Variants in RIT2 observed in about 807,000 individuals in gnomAD.
RIT2 encodes Ras like without CAAX 2, also known as GTP-binding protein Rit2.
A neutral mutation model predicts 23.7 loss-of-function variants in RIT2; 24 were observed. That is an observed-to-expected ratio of 1.01 (90% CI 0.73 to 1.43). The LOEUF is 1.43. Among genes scored for constraint, RIT2 ranks in the 40% most tolerant of loss-of-function variants. RIT2 has a pLI of 0.00. For missense variants in RIT2, 236 were observed against 266.9 expected (o/e 0.88, Z 0.81); for synonymous variants, 107 against 91.1 (o/e 1.17, Z -0.99).
At chr18:42,876,619 A>G (rs1415342704) in intron 4 of RIT2, among the ~76,000 whole-genome samples, 1 of 151,948 alleles carries the variant, frequency 6.6e-6, no homozygotes, top group Non-Finnish European at 1.5e-5. Flanking sequence ...AAATAACACC[A>G]GAAAACACGT....
intron 1 of RIT2, among the ~76,000 whole-genome samples, chr18:43,105,112 G>C (rs927867984): frequency 0.011 from 1,721 of 150,910 alleles, 36 homozygotes; most frequent in African/African-American, 0.039. Flanking sequence ...GTGTGTGTGT[G>C]TGTGTGTGTG....
At chr18:42,857,951 C>T (rs893572960) in intron 4 of RIT2, among the ~76,000 whole-genome samples, 7 of 152,102 alleles carry the variant, frequency 4.6e-5, no homozygotes, top group Admixed American at 2.6e-4. Context: ...GAGGCCAAGG[C>T]GGGTGCATCA....
At chr18:42,760,110 T>C (rs1016523394) in intron 4 of RIT2, among the ~76,000 whole-genome samples, 2 of 152,150 alleles carry the variant, frequency 1.3e-5, no homozygotes, top group Non-Finnish European at 2.9e-5. Flanking sequence ...CTAAGTGTCT[T>C]TGATAATAGA....
At chr18:43,101,495 T>C (rs1454148925) in intron 1 of RIT2, among the ~76,000 whole-genome samples, 3 of 152,116 alleles carry the variant, frequency 2.0e-5, no homozygotes, top group Non-Finnish European at 4.4e-5. Flanking sequence ...TAAAATACCA[T>C]AGGAAATTAA....
At chr18:43,094,924 G>T (rs1376142865) in intron 1 of RIT2, among the ~76,000 whole-genome samples, 1 of 151,884 alleles carries the variant, frequency 6.6e-6, no homozygotes, top group Non-Finnish European at 1.5e-5. Context: ...GAATTCCATT[G>T]TGTATATCTA....
chr18:42,971,921 G>T (rs1910370449), intron 3 of RIT2, among the ~76,000 whole-genome samples: 2 of 151,914 alleles, frequency 1.3e-5, no homozygotes, highest in African/African-American at 2.4e-5. Flanking sequence ...AAATATATTG[G>T]CTATTCATCA....
intron 4 of RIT2, among the ~76,000 whole-genome samples, chr18:42,847,907 T>G (rs1280211569): frequency 6.6e-6 from 1 of 151,088 alleles, no homozygotes; most frequent in East Asian, 1.9e-4. Context: ...TAACTAGACA[T>G]GTTACCAGGC....
At chr18:43,086,886 T>G (rs569858164) in intron 1 of RIT2, among the ~76,000 whole-genome samples, 1 of 152,262 alleles carries the variant, frequency 6.6e-6, no homozygotes, top group African/African-American at 2.4e-5. Flanking sequence ...AGCTCAAATC[T>G]TCCTGCAGGA....
chr18:42,993,662 A>G (rs1910907915), intron 2 of RIT2, among the ~76,000 whole-genome samples: 1 of 152,080 alleles, frequency 6.6e-6, no homozygotes, highest in Non-Finnish European at 1.5e-5. Flanking sequence ...TAACTAAATT[A>G]TCTGCTTCCC....
At chr18:42,793,508 G>A (rs1914088284) in intron 4 of RIT2, among the ~76,000 whole-genome samples, 1 of 152,080 alleles carries the variant, frequency 6.6e-6, no homozygotes, top group African/African-American at 2.4e-5. Context: ...TTAAGGAAAA[G>A]GTCTCATTAA....
intron 4 of RIT2, among the ~76,000 whole-genome samples, chr18:42,755,747 T>C (rs1913147431): frequency 6.6e-6 from 1 of 152,160 alleles, no homozygotes; most frequent in African/African-American, 2.4e-5. Flanking sequence ...GCCATGAGAA[T>C]ACAGCTGAGG....
intron 3 of RIT2, among the ~76,000 whole-genome samples, chr18:42,961,566 T>A (rs933005164): frequency 1.3e-5 from 2 of 152,132 alleles, no homozygotes; most frequent in Non-Finnish European, 2.9e-5. Flanking sequence ...AAGGTAGGAG[T>A]ATACATGGCA....
At chr18:42,990,912 G>GTTTTTT (rs77172671) in intron 2 of RIT2, among the ~76,000 whole-genome samples, 11 of 133,058 alleles carry the variant, frequency 8.3e-5, no homozygotes, top group Non-Finnish European at 9.4e-5. Flanking sequence ...CACTGGTTTT[G>GTTTTTT]TTTTTTTTTT....
chr18:43,113,723 A>G (rs1914004061), intron 1 of RIT2, among the ~76,000 whole-genome samples: 1 of 152,200 alleles, frequency 6.6e-6, no homozygotes, highest in Admixed American at 6.5e-5. Flanking sequence ...GAAGTAGGCT[A>G]AAAATCAGTC....
At chr18:42,780,372 G>C (rs1386141155) in intron 4 of RIT2, among the ~76,000 whole-genome samples, 2 of 151,964 alleles carry the variant, frequency 1.3e-5, no homozygotes, top group Non-Finnish European at 2.9e-5. Flanking sequence ...AGGCAGGAAA[G>C]GGTTCTGGAA....
intron 4 of RIT2, among the ~76,000 whole-genome samples, chr18:42,854,902 C>T (rs1196492776): frequency 6.6e-6 from 1 of 152,178 alleles, no homozygotes; most frequent in Non-Finnish European, 1.5e-5. Flanking sequence ...ACCCAGACCC[C>T]AAATCCTACA....
intron 4 of RIT2, among the ~76,000 whole-genome samples, chr18:42,800,816 C>T (rs1430986362): frequency 6.6e-6 from 1 of 152,142 alleles, no homozygotes; most frequent in Non-Finnish European, 1.5e-5. Flanking sequence ...CAGGTGTGAG[C>T]CACCGCGTCC....
intron 3 of RIT2, among the ~76,000 whole-genome samples, chr18:42,951,269 C>T (rs1909845864): frequency 6.6e-6 from 1 of 152,046 alleles, no homozygotes; most frequent in South Asian, 2.1e-4. Flanking sequence ...GAAATCATGT[C>T]CTTTGCAGCA....
At chr18:42,873,105 C>T (rs1392986136) in intron 4 of RIT2, among the ~76,000 whole-genome samples, 1 of 152,206 alleles carries the variant, frequency 6.6e-6, no homozygotes, top group Non-Finnish European at 1.5e-5. Context: ...GTGAGGCTGA[C>T]TTCATATGAC....
Sources: gnomAD v4.1 joint callset for allele counts (sites outside exome capture counted in the v4.1 genomes callset) on GRCh38, gnomAD v4.1.1 for gene constraint, MANE v1.5 for transcripts, NCBI Gene and HGNC (gene_info 2026-07-23, HGNC 2026-07-21) for gene names.